KCNMA1: variants seen among roughly 807,000 people sequenced by gnomAD.
KCNMA1 encodes the protein Calcium-activated potassium channel subunit alpha-1.
A neutral mutation model predicts 140.0 loss-of-function variants in KCNMA1; 29 were observed. The observed-to-expected ratio is 0.21, with a 90% CI of 0.15 to 0.28. KCNMA1 has a LOEUF of 0.28. KCNMA1 is among the 10% of genes least tolerant of loss of function. The pLI is 1.00. For missense variants in KCNMA1, 880 were observed against 1,602.2 expected, an observed-to-expected ratio of 0.55 and a Z score of 7.70; for synonymous variants, 612 against 611.9, an observed-to-expected ratio of 1.00 and a Z score of 0.00.
At chr10:77,469,233 G>A (rs146744366) in intron 1 of KCNMA1, among the ~76,000 whole-genome samples, 44 of 151,964 alleles carry the variant, frequency 2.9e-4, no homozygotes, top group African/African-American at 1.0e-3. Context: ...AACTTAGGAT[G>A]CAGTTAGAGA....
intron 1 of KCNMA1, among the ~76,000 whole-genome samples, chr10:77,546,797 C>T (rs994474041): frequency 1.3e-5 from 2 of 152,198 alleles, no homozygotes; most frequent in South Asian, 2.1e-4. Flanking sequence ...CCAAAGATGG[C>T]GGGGCAGACC....
At position 77,108,287 on chromosome 10, in the gene KCNMA1, T is replaced by C; in HGVS notation, c.1223+194A>G. 6.8e-7 allele frequency: 1 copy of C among 1,479,482 alleles called. No homozygotes were observed. The highest frequency in any genetic ancestry group is 2.5e-5 in the East Asian group (1 of 40,692). 91.6% of individuals were successfully genotyped at this position (1,479,482 alleles called of 1,614,324 possible). A position where few individuals can be genotyped will look rare whatever the true frequency, so the allele number is the denominator to read the frequency against. On this transcript the variant is annotated intron_variant, in intron 9 of 27. Transcript: ENST00000286628. This position sits in a 1 kb window ranked among gnomAD's most constrained non-coding sequence, Gnocchi z 4.6. ...TCTTTTCTGATGCAACTGACTTACT[T>C]TCTGCCTCCATGTTTGTTAAAAGTC...
intron 3 of KCNMA1, among the ~76,000 whole-genome samples, chr10:77,207,741 G>A (rs573764442): frequency 1.3e-5 from 2 of 152,308 alleles, no homozygotes; most frequent in South Asian, 4.1e-4. Flanking sequence ...CTGATGTGAT[G>A]TATTTTGTAG....
intron 1 of KCNMA1, among the ~76,000 whole-genome samples, chr10:77,483,017 C>T (rs1004694151): frequency 1.3e-5 from 2 of 149,550 alleles, no homozygotes; most frequent in South Asian, 4.3e-4. Flanking sequence ...CACACACACA[C>T]ACACACACAC....
At chr10:77,069,657 T>C (rs1385047225) in intron 14 of KCNMA1, among the ~76,000 whole-genome samples, 2 of 152,154 alleles carry the variant, frequency 1.3e-5, no homozygotes, top group African/African-American at 2.4e-5. Context: ...TATATCCACA[T>C]AGGAGTGAGG....
chr10:76,893,633 G>A (rs543697304), intron 25 of KCNMA1, among the ~76,000 whole-genome samples: 19 of 152,190 alleles, frequency 1.2e-4, no homozygotes, highest in Non-Finnish European at 2.4e-4. Context: ...CCAGATCCTC[G>A]GGAGGCTGAG....
At chr10:76,988,176 C>T (rs1232509535) in intron 19 of KCNMA1, among the ~76,000 whole-genome samples, 1 of 152,192 alleles carries the variant, frequency 6.6e-6, no homozygotes, top group Non-Finnish European at 1.5e-5. Flanking sequence ...CCACTCATCC[C>T]TAGACCTATC....
chr10:76,922,914 C>A (rs11001933), intron 23 of KCNMA1, among the ~76,000 whole-genome samples: 9,586 of 152,214 alleles, frequency 0.063, 499 homozygotes, highest in Admixed American at 0.19. Flanking sequence ...CAAATGACTG[C>A]ATCTTCATTT....
At chr10:77,082,942 C>T (rs553373117) in intron 12 of KCNMA1, among the ~76,000 whole-genome samples, 57 of 152,300 alleles carry the variant, frequency 3.7e-4, no homozygotes, top group African/African-American at 1.2e-3. Context: ...ATTCCCCCAC[C>T]TCACTGATGG....
chr10:77,635,560 G>A (rs1047040249), intron 1 of KCNMA1: 7 of 152,266 alleles, frequency 4.6e-5, no homozygotes, highest in Admixed American at 2.6e-4. Flanking sequence ...AGGATGGAGA[G>A]AGGGAATGTG....
At chr10:76,917,111 G>A (rs2053264800) in intron 23 of KCNMA1, among the ~76,000 whole-genome samples, 1 of 152,132 alleles carries the variant, frequency 6.6e-6, no homozygotes, top group Admixed American at 6.5e-5. Flanking sequence ...CTTCTAGGAT[G>A]GTGAAGGGGA....
Position 77,383,248 on chromosome 10 carries a change from A to C in KCNMA1, c.540+20614T>G, listed in dbSNP as rs1376050834. On this transcript the variant is annotated intron_variant, in intron 2 of 27. Transcript: ENST00000286628. ...TCCTGGGCAGACCTCGATTAGTCTG[A>C]GCAAGCCCTGGTGCTCTCATTCTTA... Among the ~76,000 whole-genome samples, 6 of 151,910 alleles carry C rather than the reference A, an allele frequency of 3.9e-5. No homozygotes were observed. In the South Asian group the frequency reaches 1.2e-3, roughly 32 times the overall value.
intron 1 of KCNMA1, among the ~76,000 whole-genome samples, chr10:77,585,384 A>T (rs149144365): frequency 2.0e-5 from 3 of 152,204 alleles, no homozygotes; most frequent in Non-Finnish European, 2.9e-5. Context: ...CAGTTGTATG[A>T]ATTAATATAA....
At chr10:77,635,782 C>T (rs2093669422) in intron 1 of KCNMA1, 1 of 152,304 alleles carries the variant, frequency 6.6e-6, no homozygotes, top group Non-Finnish European at 1.5e-5. Flanking sequence ...CAGAGAATGA[C>T]GAAGAGAATG....
chr10:77,287,756 T>C (rs2071563451), intron 2 of KCNMA1, among the ~76,000 whole-genome samples: 1 of 152,226 alleles, frequency 6.6e-6, no homozygotes, highest in Admixed American at 6.5e-5. Context: ...TGCTCTTCTC[T>C]GCATCCAGCA....
chr10:76,914,363 C>T, intron 24 of KCNMA1: 1 of 543,456 alleles, frequency 1.8e-6, no homozygotes, highest in Non-Finnish European at 3.3e-6. Context: ...TATTGTCCAA[C>T]CAACATGGCC....
chr10:77,366,734 C>G (rs59747043), intron 2 of KCNMA1, among the ~76,000 whole-genome samples: 1 of 152,128 alleles, frequency 6.6e-6, no homozygotes, highest in African/African-American at 2.4e-5. Flanking sequence ...ATGTTCTTTA[C>G]AAATGTGGAT....
intron 14 of KCNMA1, among the ~76,000 whole-genome samples, chr10:77,059,943 AT>A (rs1565840173): frequency 6.6e-6 from 1 of 152,150 alleles, no homozygotes. Context: ...TTGGAACCCA[AT>A]TTTTTTAAGA....
At chr10:77,634,086 AAGAT>A in intron 1 of KCNMA1, 3 of 883,830 alleles carry the variant, frequency 3.4e-6, no homozygotes, top group Non-Finnish European at 4.1e-6. Flanking sequence ...TACACAAGGA[AAGAT>A]AGACACCAGA....
Sources: gnomAD v4.1 joint callset for allele counts (sites outside exome capture counted in the v4.1 genomes callset) on GRCh38, gnomAD v4.1.1 for gene constraint, Gnocchi (gnomAD v3.1) non-coding constraint, MANE v1.5 for transcripts, NCBI Gene and HGNC (gene_info 2026-07-23, HGNC 2026-07-21) for gene names.